ACP3: variants seen among roughly 807,000 people sequenced by gnomAD.
The protein encoded by ACP3 is acid phosphatase 3.
A neutral mutation model predicts 45.6 loss-of-function variants in ACP3; 38 were observed. The ratio of observed to expected loss-of-function variants is 0.83; its 90% CI spans 0.64 to 1.09. ACP3 has a LOEUF of 1.09. Among genes scored for constraint, ACP3 ranks in the 50% least tolerant of loss-of-function variants. The pLI is 0.00. For missense variants in ACP3, 466 were observed against 463.2 expected (o/e 1.01, Z -0.05); for synonymous variants, 162 against 164.7 (o/e 0.98, Z 0.13).
At chr3:132,340,709 T>C (rs928046210) in intron 5 of ACP3, among the ~76,000 whole-genome samples, 10 of 152,264 alleles carry the variant, frequency 6.6e-5, no homozygotes, top group African/African-American at 2.4e-4. Flanking sequence ...TTCCCATAGG[T>C]GTGGGGTCTA....
At chr3:132,350,103 T>C in intron 8 of ACP3, 101 bp downstream of exon 8, 1 of 784,760 alleles carries the variant, frequency 1.3e-6, no homozygotes, top group Non-Finnish European at 2.1e-6. Flanking sequence ...CCCATCTCCT[T>C]GTACGTGGTA....
chr3:132,331,146 C>T (rs966285179), intron 2 of ACP3, among the ~76,000 whole-genome samples: 27 of 152,208 alleles, frequency 1.8e-4, no homozygotes, highest in African/African-American at 6.0e-4. Context: ...ACAGACCACA[C>T]TTAGAGTAAC....
intron 1 of ACP3, among the ~76,000 whole-genome samples, chr3:132,321,517 G>A (rs1206332227): frequency 6.6e-6 from 1 of 152,152 alleles, no homozygotes; most frequent in Non-Finnish European, 1.5e-5. Flanking sequence ...AGCACCGTGC[G>A]CTGAGAGTTG....
chr3:132,350,147 T>C, intron 8 of ACP3, 145 bp downstream of exon 8: 1 of 621,892 alleles, frequency 1.6e-6, no homozygotes, highest in Non-Finnish European at 2.8e-6. Context: ...ATTAAATGCA[T>C]CATTCTGTCC....
intron 8 of ACP3, among the ~76,000 whole-genome samples, 178 bp downstream of exon 8, chr3:132,350,180 C>G (rs905515258): frequency 8.7e-6 from 1 of 114,310 alleles, no homozygotes; most frequent in African/African-American, 2.9e-5. Context: ...ATAATCTAAA[C>G]TAACAAGAAG....
intron 7 of ACP3, among the ~76,000 whole-genome samples, chr3:132,347,404 C>T (rs1303776878): frequency 6.6e-6 from 1 of 152,186 alleles, no homozygotes; most frequent in African/African-American, 2.4e-5. Context: ...AATGTGGACA[C>T]ATCAGGGCCA....
chr3:132,340,229 C>T (rs1937537468), intron 5 of ACP3, among the ~76,000 whole-genome samples: 1 of 151,312 alleles, frequency 6.6e-6, no homozygotes, highest in African/African-American at 2.4e-5. Flanking sequence ...GCAAGAGAAT[C>T]ACTTGAACCC....
At chr3:132,320,216 A>G (rs2107790518) in intron 1 of ACP3, among the ~76,000 whole-genome samples, 1 of 152,332 alleles carries the variant, frequency 6.6e-6, no homozygotes, top group South Asian at 2.1e-4. Flanking sequence ...AATTTTGATT[A>G]CAGCATTCAC....
At chr3:132,349,720 C>T (rs546352589) in intron 7 of ACP3, among the ~76,000 whole-genome samples, 200 bp from the exon 8 acceptor site, 77 of 151,246 alleles carry the variant, frequency 5.1e-4, no homozygotes, top group African/African-American at 1.8e-3. Flanking sequence ...AGGGTTGAGA[C>T]GTAGGATTCA....
Position 132,328,166 on chromosome 3 carries a change from A to C in ACP3, c.121-101A>C, listed in dbSNP as rs1039675832. On this transcript the variant is annotated intron_variant, in intron 1 of 9. Coordinates refer to ENST00000336375, the MANE Select transcript of ACP3 (RefSeq NM_001099.5). ...TTACGTGATTACAATGGGAAGCCAA[A>C]GTTAAAACCAATGAGTTAGAAAAAA... is the stretch of plus-strand genomic sequence containing the variant. 3.6e-6 allele frequency: 3 copies of C among 835,352 alleles called. No homozygotes were observed. In the African/African-American group the frequency reaches 5.2e-5, roughly 15 times the overall value. The allele number at this position is 835,352 out of a possible 1,614,324, so 51.7% of individuals were successfully genotyped here. A position where few individuals can be genotyped will look rare whatever the true frequency, so the allele number is the denominator to read the frequency against.
intron 6 of ACP3, 76 bp from the exon 7 acceptor site, chr3:132,344,851 G>A: frequency 6.5e-7 from 1 of 1,542,236 alleles, no homozygotes; most frequent in Non-Finnish European, 8.7e-7. Flanking sequence ...TTCTTGTGAG[G>A]TGAAAAAGGA....
At chr3:132,340,836 T>A (rs114215024) in intron 5 of ACP3, among the ~76,000 whole-genome samples, 2,565 of 152,316 alleles carry the variant, frequency 0.017, 73 homozygotes, top group African/African-American at 0.059. Flanking sequence ...TTGCTTTTTC[T>A]GAGTTTCCAT....
chr3:132,328,206 T>A, intron 1 of ACP3, 61 bp from the exon 2 acceptor site: 1 of 1,340,426 alleles, frequency 7.5e-7, no homozygotes, highest in South Asian at 1.3e-5. Flanking sequence ...ACTATTATAA[T>A]GAGCAGAAGC....
At chr3:132,329,982 G>A (rs759421248) in intron 2 of ACP3, among the ~76,000 whole-genome samples, 50 of 144,042 alleles carry the variant, frequency 3.5e-4, no homozygotes, top group Non-Finnish European at 6.9e-4. Context: ...GCAGTGGCTC[G>A]ATCTCAGCTC....
At chr3:132,322,027 C>T (rs7610540) in intron 1 of ACP3, among the ~76,000 whole-genome samples, 2,423 of 152,028 alleles carry the variant, frequency 0.016, 66 homozygotes, top group African/African-American at 0.056. Context: ...GTGTTTTACA[C>T]GAAAGGAAAT....
At chr3:132,350,447 C>T (rs1321815348) in intron 8 of ACP3, among the ~76,000 whole-genome samples, 1 of 152,144 alleles carries the variant, frequency 6.6e-6, no homozygotes, top group Non-Finnish European at 1.5e-5. Flanking sequence ...AAAAGTGGTA[C>T]CAAATTAGTG....
intron 5 of ACP3, among the ~76,000 whole-genome samples, chr3:132,340,721 T>G (rs1242119613): frequency 6.6e-6 from 1 of 152,170 alleles, no homozygotes; most frequent in Admixed American, 6.5e-5. Context: ...TGGGGTCTAT[T>G]TATGTAATTT....
At position 132,337,525 on chromosome 3, in the gene ACP3, G is replaced by A. The variant is rs1937511589; in HGVS notation, c.526G>A (p.Glu176Lys). 1.2e-6 allele frequency: 2 copies of A among 1,610,654 alleles called. No homozygotes were observed. The highest frequency in any genetic ancestry group is 1.3e-5 in the African/African-American group (1 of 75,018). ...TGAGAGTGAGACTTTGAAATCAGAGGAATTCCAGAAGAGGCTGCACCCTTA... is the reference window on the plus strand; with the variant it reads ...TGAGAGTGAGACTTTGAAATCAGAGAAATTCCAGAAGAGGCTGCACCCTTA... ...ELESETLKSE[E>K]FQKRLHPYKD... The change falls in exon 5 of 10, where the codon GAA becomes AAA. Residue 176 changes from glutamate (E) to lysine (K), a missense_variant. Transcript: ENST00000336375.
rs374987475 is a variant in ACP3, at chr3:132,352,612, G to A, written c.865-108G>A. 1.7e-5 allele frequency: 13 copies of A among 755,246 alleles called. No homozygotes were observed. In the East Asian group the frequency reaches 1.8e-4, roughly 11 times the overall value. 46.8% of individuals were successfully genotyped at this position (755,246 alleles called of 1,614,324 possible). ...CTCTACTTATTAAGTCATTGTGGGC[G>A]TATGGGAAATTTAATTGAATCAGAA... On this transcript the variant is annotated intron_variant, in intron 8 of 9. Transcript: ENST00000336375.
Sources: allele counts gnomAD v4.1 joint callset (sites outside exome capture counted in the v4.1 genomes callset), GRCh38; gene constraint gnomAD v4.1.1; transcripts MANE v1.5; gene names NCBI Gene and HGNC (gene_info 2026-07-23, HGNC 2026-07-21).